The following LRRTM4 variants were observed in gnomAD, a reference collection of about 807,000 sequenced individuals.
LRRTM4 encodes leucine rich repeat transmembrane neuronal 4, also known as leucine-rich repeat transmembrane neuronal protein 4.
A neutral mutation model predicts 47.6 loss-of-function variants in LRRTM4; 25 were observed. The observed-to-expected ratio is 0.53, with a 90% CI of 0.38 to 0.73. The LOEUF (loss-of-function observed/expected upper bound fraction) is 0.73, where lower values mean the gene tolerates loss of function less well. LRRTM4 is among the 30% of genes least tolerant of loss of function. LRRTM4 has a pLI of 0.00. For missense variants in LRRTM4, 638 were observed against 713.4 expected (o/e 0.89, Z 1.20); for synonymous variants, 311 against 269.5 (o/e 1.15, Z -1.51).
At chr2:76,871,280 G>C (rs1456031352) in intron 3 of LRRTM4, among the ~76,000 whole-genome samples, 1 of 152,070 alleles carries the variant, frequency 6.6e-6, no homozygotes, top group Non-Finnish European at 1.5e-5. Context: ...TAAAATATTA[G>C]TATTAGAAGA....
intron 3 of LRRTM4, among the ~76,000 whole-genome samples, chr2:77,039,270 G>A (rs1678946212): frequency 6.6e-6 from 1 of 150,774 alleles, no homozygotes; most frequent in South Asian, 2.1e-4. Context: ...TCTGAGTCGG[G>A]GACATATGGT....
rs367880957 is a variant in LRRTM4, at chr2:76,766,602, C to T, written c.1552-17686G>A. Among the ~76,000 whole-genome samples the T allele has an allele frequency of 1.4e-4, 22 of 152,332 alleles. No homozygotes were observed. The East Asian group carries it at 1.5e-3, about 11-fold the overall frequency. On this transcript the variant is annotated intron_variant, in intron 3 of 3. Transcript: ENST00000409884. ...AAGTTCTCTTGCTGTCTGGCTGATT[C>T]ATTTCTGTAAGTAAGAGGCACCCAG...
intron 3 of LRRTM4, among the ~76,000 whole-genome samples, chr2:77,111,436 C>T (rs1367536483): frequency 6.6e-6 from 1 of 151,952 alleles, no homozygotes; most frequent in Admixed American, 6.6e-5. Context: ...CAATAATTCC[C>T]TCTTATCACA....
At chr2:76,913,853 T>C (rs1674154347) in intron 3 of LRRTM4, among the ~76,000 whole-genome samples, 1 of 152,074 alleles carries the variant, frequency 6.6e-6, no homozygotes, top group Admixed American at 6.5e-5. Context: ...TTTCAATTAT[T>C]CTTTATATTT....
At chr2:77,380,721 G>A (rs1379227730) in intron 3 of LRRTM4, among the ~76,000 whole-genome samples, 4 of 151,624 alleles carry the variant, frequency 2.6e-5, no homozygotes, top group East Asian at 2.0e-4. Flanking sequence ...GCTTGAACCC[G>A]GGAGGCAGAG....
intron 3 of LRRTM4, among the ~76,000 whole-genome samples, chr2:77,027,518 A>C (rs1374412586): frequency 6.6e-6 from 1 of 152,160 alleles, no homozygotes; most frequent in African/African-American, 2.4e-5. Context: ...CAAGGGTCTT[A>C]TGGTGGAAAC....
intron 3 of LRRTM4, among the ~76,000 whole-genome samples, chr2:77,288,171 C>G (rs1301905973): frequency 6.6e-6 from 1 of 151,510 alleles, no homozygotes; most frequent in Non-Finnish European, 1.5e-5. Context: ...AGAGCATGGC[C>G]ACTATTAATC....
At chr2:76,985,623 G>T (rs868707510) in intron 3 of LRRTM4, among the ~76,000 whole-genome samples, 2 of 151,928 alleles carry the variant, frequency 1.3e-5, no homozygotes, top group Non-Finnish European at 2.9e-5. Context: ...ATGTCTTGCC[G>T]CATGATTTGA....
At chr2:77,232,654 T>C (rs1674997042) in intron 3 of LRRTM4, among the ~76,000 whole-genome samples, 1 of 152,210 alleles carries the variant, frequency 6.6e-6, no homozygotes, top group Non-Finnish European at 1.5e-5. Flanking sequence ...CCCTATTATT[T>C]TGCCAATAGT....
At chr2:77,033,988 T>C (rs2104150534) in intron 3 of LRRTM4, among the ~76,000 whole-genome samples, 1 of 151,914 alleles carries the variant, frequency 6.6e-6, no homozygotes, top group African/African-American at 2.4e-5. Flanking sequence ...ATTTCAAGAT[T>C]TTTTAATATA....
chr2:77,374,827 A>T (rs918252987), intron 3 of LRRTM4, among the ~76,000 whole-genome samples: 1 of 151,880 alleles, frequency 6.6e-6, no homozygotes, highest in East Asian at 1.9e-4. Flanking sequence ...TCCAAAAGTC[A>T]TCTTAAAGTG....
At chr2:77,015,486 C>T (rs1678031590) in intron 3 of LRRTM4, among the ~76,000 whole-genome samples, 1 of 151,976 alleles carries the variant, frequency 6.6e-6, no homozygotes, top group African/African-American at 2.4e-5. Context: ...CAGGCATGCC[C>T]AGCCAATTTT....
chr2:77,519,198 T>C lies in LRRTM4; in HGVS notation c.671A>G (p.His224Arg), dbSNP rs1007814316. 4 of 1,613,296 alleles carry C rather than the reference T, an allele frequency of 2.5e-6. No homozygotes were observed. The highest frequency in any genetic ancestry group is 3.4e-6 in the Non-Finnish European group (4 of 1,179,590). ...GCGGAGGTTGAAGAGACGTGGAAAATGAGCAAAGTTGATCTTGGAAAACTG... is the reference window on the plus strand; with the variant it reads ...GCGGAGGTTGAAGAGACGTGGAAAACGAGCAAAGTTGATCTTGGAAAACTG... ...HNQFSKINFAHFPRLFNLRSI... is the reference protein window; with the variant it reads ...HNQFSKINFARFPRLFNLRSI... The change falls in exon 3 of 4, where the codon CAT becomes CGT. Residue 224 changes from histidine (H) to arginine (R), a missense_variant. Physicochemically the swap from His to Arg is conservative, Grantham distance 29. Coordinates refer to ENST00000409884, the MANE Select transcript of LRRTM4 (RefSeq NM_001134745.3). The surrounding 1 kb of genome is among the most constrained non-coding windows in gnomAD (Gnocchi z 4.6).
intron 3 of LRRTM4, among the ~76,000 whole-genome samples, chr2:77,436,140 G>C (rs943970964): frequency 6.6e-6 from 1 of 152,106 alleles, no homozygotes; most frequent in East Asian, 1.9e-4. Flanking sequence ...CAAAATTACT[G>C]AATCATCTAT....
intron 3 of LRRTM4, among the ~76,000 whole-genome samples, chr2:77,430,443 C>A (rs913132609): frequency 6.6e-6 from 1 of 151,916 alleles, no homozygotes; most frequent in African/African-American, 2.4e-5. Flanking sequence ...TGGATTGGGC[C>A]CTGTGCAGCG....
At chr2:76,804,388 TACAC>T (rs1003457176) in intron 3 of LRRTM4, among the ~76,000 whole-genome samples, 4 of 151,802 alleles carry the variant, frequency 2.6e-5, no homozygotes, top group East Asian at 1.9e-4. Flanking sequence ...AGAACACACA[TACAC>T]ACACACAGCT....
intron 3 of LRRTM4, among the ~76,000 whole-genome samples, chr2:77,108,612 C>CT (rs1384618251): frequency 2.1e-5 from 3 of 140,468 alleles, no homozygotes; most frequent in African/African-American, 8.1e-5. Context: ...GAGACGGAGT[C>CT]TCGCTCTGTC....
intron 3 of LRRTM4, among the ~76,000 whole-genome samples, chr2:77,417,151 T>C (rs947644205): frequency 1.3e-5 from 2 of 152,186 alleles, no homozygotes; most frequent in African/African-American, 4.8e-5. Context: ...ATGCTCATCA[T>C]CACTGGCCAT....
At chr2:76,954,949 C>T (rs1675623702) in intron 3 of LRRTM4, among the ~76,000 whole-genome samples, 1 of 151,554 alleles carries the variant, frequency 6.6e-6, no homozygotes, top group African/African-American at 2.4e-5. Context: ...AAAAAAACCG[C>T]CAGCCATAAC....
Sources: allele counts gnomAD v4.1 joint callset (sites outside exome capture counted in the v4.1 genomes callset), GRCh38; gene constraint gnomAD v4.1.1; non-coding constraint Gnocchi (gnomAD v3.1); transcripts MANE v1.5; gene names NCBI Gene and HGNC (gene_info 2026-07-23, HGNC 2026-07-21).